The following MIF4GD variants were observed in gnomAD, a reference collection of about 807,000 sequenced individuals.
The protein encoded by MIF4GD is MIF4G domain containing.
Under a neutral mutation model 26.7 loss-of-function variants are expected in MIF4GD, and 22 were observed. That is an observed-to-expected ratio of 0.82 (90% CI 0.59 to 1.18). The LOEUF (loss-of-function observed/expected upper bound fraction) is 1.18. Among genes scored for constraint, MIF4GD ranks in the 50% most tolerant of loss-of-function variants. MIF4GD has a pLI of 0.00. For missense variants in MIF4GD, 262 were observed against 279.6 expected, an observed-to-expected ratio of 0.94 and a Z score of 0.45; for synonymous variants, 137 against 111.6, an observed-to-expected ratio of 1.23 and a Z score of -1.43.
rs543600375 is a variant in MIF4GD at position 75,266,593 on chromosome 17, T to C, written c.*147A>G. The C allele has an allele frequency of 1.3e-6, 1 of 754,494 alleles. No individual in the cohort carries two copies. Among genetic ancestry groups the C allele is most frequent in the African/African-American group, 1.7e-5 (1 of 57,428 alleles). 46.7% of individuals were successfully genotyped at this position (754,494 alleles called of 1,614,324 possible). A position where few individuals can be genotyped will look rare whatever the true frequency, so the allele number is the denominator to read the frequency against. ...AGGACCACGGCATAAGTGGGAAACA[T>C]CTCACCAGGAGATGGGAAAGTCTAG... On this transcript the variant is annotated 3_prime_UTR_variant, in exon 6 of 6. Transcript: ENST00000325102.
At position 75,268,167 on chromosome 17, in the gene MIF4GD, T is replaced by C. The variant is rs1262579522; in HGVS notation, c.108A>G (p.Lys36=). ...AATGGTCCACAATCACATTGGCCAC[T>C]TTCTCCAAGTCCACAGCACCCGGAT... ...LKDPGAVDLE[K]VANVIVDHSL... The change falls in exon 3 of 6, where the codon AAA becomes AAG. Residue 36 remains lysine, a synonymous_variant. Coordinates refer to ENST00000325102, the MANE Select transcript of MIF4GD (RefSeq NM_001370592.1). 6.2e-7 allele frequency: 1 copy of C among 1,614,230 alleles called. No individual in the cohort carries two copies. Among genetic ancestry groups the C allele is most frequent in the Non-Finnish European group, 8.5e-7 (1 of 1,180,018 alleles).
Position 75,270,229 on chromosome 17 carries a change from G to T in MIF4GD, c.-34C>A. ...AGCCCCGGTAGCTCTTGACTGGGCTGGGAATAAGGACAGCACCTGAGGAGA... is the reference window on the plus strand; with the variant it reads ...AGCCCCGGTAGCTCTTGACTGGGCTTGGAATAAGGACAGCACCTGAGGAGA... On this transcript the variant is annotated 5_prime_UTR_variant, in exon 2 of 6. Transcript: ENST00000325102. This position sits in a 1 kb window ranked among gnomAD's most constrained non-coding sequence, Gnocchi z 5.7. 1 of 1,575,368 alleles carries T rather than the reference G, an allele frequency of 6.3e-7. No homozygotes were observed.
chr17:75,266,752 T>A lies in MIF4GD; in HGVS notation c.657A>T (p.Glu219Asp), dbSNP rs138489085. Residue 219 changes from glutamate (E) to aspartate (D), a missense_variant, in exon 6 of 6, where the codon GAA becomes GAT. Coordinates refer to ENST00000325102, the MANE Select transcript of MIF4GD (RefSeq NM_001370592.1). ...CTGATCTGGAGGCCTAGTCGGAGAC[T>A]TCGCTGTAGTAATACTTGTGGGCAG... The part of the protein sequence containing the change: ...TPAAHKYYYS[E>D]VSD The A allele has an allele frequency of 4.0e-4, 638 of 1,614,082 alleles. No homozygotes were observed. The highest frequency in any genetic ancestry group is 5.2e-4 in the Non-Finnish European group (616 of 1,180,040).
chr17:75,267,983 G>C (rs2145668861), intron 3 of MIF4GD, 82 bp from the exon 4 acceptor site: 6 of 1,602,222 alleles, frequency 3.7e-6, no homozygotes, highest in Non-Finnish European at 5.1e-6. Flanking sequence ...CTCTCTCTTT[G>C]AGCTAGACCC....
At chr17:75,267,068 A>T in intron 5 of MIF4GD, 101 bp from the exon 6 acceptor site, 1 of 963,622 alleles carries the variant, frequency 1.0e-6, no homozygotes, top group Non-Finnish European at 1.6e-6. Context: ...CTTTACACTC[A>T]TTCCCTTGCT....
chr17:75,270,871 A>T lies in MIF4GD; in HGVS notation c.-51+273T>A, dbSNP rs2077711138. 6.6e-6 allele frequency: 1 copy of T among 152,416 alleles called. No individual in the cohort carries two copies. Among genetic ancestry groups the T allele is most frequent in the Non-Finnish European group, 1.5e-5 (1 of 68,264 alleles). 9.4% of individuals were successfully genotyped at this position (152,416 alleles called of 1,614,324 possible). A position where few individuals can be genotyped will look rare whatever the true frequency, so the allele number is the denominator to read the frequency against. ...GACAGGCTGGTCGGATCGGCTCCCG[A>T]GTGGCAGTAACCCGGCCCTACGCAC... On this transcript the variant is annotated intron_variant, in intron 1 of 5. Coordinates refer to ENST00000325102, the MANE Select transcript of MIF4GD (RefSeq NM_001370592.1). This position sits in a 1 kb window ranked among gnomAD's most constrained non-coding sequence, Gnocchi z 5.7.
intron 5 of MIF4GD, 110 bp downstream of exon 5, chr17:75,267,428 G>T: frequency 9.2e-7 from 1 of 1,087,436 alleles, no homozygotes; most frequent in Non-Finnish European, 1.4e-6. Flanking sequence ...TCCTGCCCCA[G>T]AAGTGACACA....
rs1462683224 is a variant in MIF4GD at position 75,266,520 on chromosome 17, T to A, written c.*220A>T. 3.4e-6 allele frequency: 2 copies of A among 593,998 alleles called. No homozygotes were observed. 36.8% of individuals were successfully genotyped at this position (593,998 alleles called of 1,614,324 possible). A position where few individuals can be genotyped will look rare whatever the true frequency, so the allele number is the denominator to read the frequency against. On this transcript the variant is annotated 3_prime_UTR_variant, in exon 6 of 6. Transcript: ENST00000325102. ...GTGCAGTGGCTCTTGGGAGTTGCCC[T>A]TCTCTGCCTGGCCGTGGTGGGTTGT...
chr17:75,270,210 G>A lies in MIF4GD; in HGVS notation c.-15C>T, dbSNP rs755126842. On this transcript the variant is annotated 5_prime_UTR_variant, in exon 2 of 6. Coordinates refer to ENST00000325102, the MANE Select transcript of MIF4GD (RefSeq NM_001370592.1). This position sits in a 1 kb window ranked among gnomAD's most constrained non-coding sequence, Gnocchi z 5.7. ...GGCTCCCCCATGACTAGCCAGCCCC[G>A]GTAGCTCTTGACTGGGCTGGGAATA... 7 of 1,609,754 alleles carry A rather than the reference G, an allele frequency of 4.3e-6. No homozygotes were observed. The African/African-American group carries it at 6.7e-5, about 15-fold the overall frequency.
rs551504358 is a variant in MIF4GD at position 75,271,215 on chromosome 17, GC to G, written c.-123del. 290 of 149,974 alleles carry G rather than the reference GC, an allele frequency of 1.9e-3. No homozygotes were observed. Among genetic ancestry groups the G allele is most frequent in the African/African-American group, 6.8e-3 (280 of 41,290 alleles). 9.3% of individuals were successfully genotyped at this position (149,974 alleles called of 1,614,324 possible). A position where few individuals can be genotyped will look rare whatever the true frequency, so the allele number is the denominator to read the frequency against. On this transcript the variant is annotated 5_prime_UTR_variant, in exon 1 of 6. Coordinates refer to ENST00000325102, the MANE Select transcript of MIF4GD (RefSeq NM_001370592.1). The surrounding 1 kb of genome is among the most constrained non-coding windows in gnomAD (Gnocchi z 4.2). Reference sequence around the variant, plus strand: ...TGGGAGCGCGCAACCAGCGTCCGGCGCTGCGGGGCCCGCCGTGAGCTCATCT... The same window carrying G: ...TGGGAGCGCGCAACCAGCGTCCGGCGTGCGGGGCCCGCCGTGAGCTCATCT...
chr17:75,269,358 G>A lies in MIF4GD; in HGVS notation c.82+756C>T, dbSNP rs777118104. The A allele has an allele frequency of 2.9e-5, 46 of 1,613,952 alleles. No homozygotes were observed. In the Admixed American group the frequency reaches 3.0e-4, roughly 11 times the overall value. On this transcript the variant is annotated intron_variant, in intron 2 of 5. Coordinates refer to ENST00000325102, the MANE Select transcript of MIF4GD (RefSeq NM_001370592.1). ...AGTTGAAGACAAACCTCTGTACTGCGTGTTACAGCGGGAAGGCATCAGGCG... is the reference window on the plus strand; with the variant it reads ...AGTTGAAGACAAACCTCTGTACTGCATGTTACAGCGGGAAGGCATCAGGCG...
chr17:75,268,104 G>A lies in MIF4GD; in HGVS notation c.171C>T (p.Arg57=), dbSNP rs1203733734. The change falls in exon 3 of 6, where the codon CGC becomes CGT. Residue 57 remains arginine (R), a synonymous_variant. Transcript: ENST00000325102. Reference sequence around the variant, plus strand: ...CAACCTGAATGATGGCGTAGCACATGCGTCCTGCTTCCTTGCTGAACACAC... The same window carrying A: ...CAACCTGAATGATGGCGTAGCACATACGTCCTGCTTCCTTGCTGAACACAC... The part of the protein sequence containing the change: ...QDCVFSKEAG[R]MCYAIIQAES... The A allele has an allele frequency of 1.2e-6, 2 of 1,614,084 alleles. No individual in the cohort carries two copies. Among genetic ancestry groups the A allele is most frequent in the African/African-American group, 1.3e-5 (1 of 74,942 alleles).
In MIF4GD at chr17:75,270,164, A is replaced by AT. The variant is rs777642739; in HGVS notation, c.31dup (p.Ile11AsnfsTer5). ...CTGGGTCTCTGCATCAAAGGACTGG[A>AT]TTTTATACTCCTCTCTACTGGGCTC... is the stretch of plus-strand genomic sequence containing the variant. On this transcript the variant is annotated frameshift_variant, in exon 2 of 6. Transcript: ENST00000325102. LOFTEE classifies it high-confidence loss of function. This position sits in a 1 kb window ranked among gnomAD's most constrained non-coding sequence, Gnocchi z 5.7. 8 of 1,613,802 alleles carry AT rather than the reference A, an allele frequency of 5.0e-6. No homozygotes were observed. The Admixed American group carries it at 1.3e-4, about 27-fold the overall frequency.
chr17:75,269,141 T>C (rs372198681), intron 2 of MIF4GD, among the ~76,000 whole-genome samples: 2 of 152,342 alleles, frequency 1.3e-5, no homozygotes, highest in South Asian at 2.1e-4. Flanking sequence ...AGTAAGAATG[T>C]AGTTTCTCAG....
At chr17:75,271,292 C>T (rs1248877436), upstream of MIF4GD, 1 of 151,722 alleles carries the variant, frequency 6.6e-6, no homozygotes, top group African/African-American at 2.4e-5. This position sits in a 1 kb window ranked among gnomAD's most constrained non-coding sequence, Gnocchi z 4.2. Flanking sequence ...CCTGCCGGGC[C>T]CCCGGGGCAC....
chr17:75,267,483 C>T, intron 5 of MIF4GD, 55 bp downstream of exon 5: 1 of 1,563,534 alleles, frequency 6.4e-7, no homozygotes, highest in Non-Finnish European at 8.8e-7. Context: ...CACGGCTGAG[C>T]TGGACTGTCC....
At chr17:75,268,278 A>G in intron 2 of MIF4GD, 86 bp from the exon 3 acceptor site, 1 of 1,000,764 alleles carries the variant, frequency 1.0e-6, no homozygotes, top group Non-Finnish European at 1.6e-6. Flanking sequence ...AGATATTTAC[A>G]GTAGAGCACT....
chr17:75,270,522 G>A lies in MIF4GD; in HGVS notation c.-50-277C>T. ...AGCGCCCACCCTCCAGTCCCAGCAGGAGGCAGGAGTAGACTGGGGCAGGGT... is the reference window on the plus strand; with the variant it reads ...AGCGCCCACCCTCCAGTCCCAGCAGAAGGCAGGAGTAGACTGGGGCAGGGT... On this transcript the variant is annotated intron_variant, in intron 1 of 5. Transcript: ENST00000325102. The surrounding 1 kb of genome is among the most constrained non-coding windows in gnomAD (Gnocchi z 5.7). The A allele has an allele frequency of 6.3e-6, 2 of 319,240 alleles. No individual in the cohort carries two copies. The highest frequency in any genetic ancestry group is 6.1e-5 in the South Asian group (2 of 32,750). 19.8% of individuals were successfully genotyped at this position (319,240 alleles called of 1,614,324 possible). A position where few individuals can be genotyped will look rare whatever the true frequency, so the allele number is the denominator to read the frequency against.
chr17:75,266,646 GAA>G lies in MIF4GD; in HGVS notation c.*92_*93del. 2.5e-6 allele frequency: 3 copies of G among 1,189,888 alleles called. No individual in the cohort carries two copies. Among genetic ancestry groups the G allele is most frequent in the South Asian group, 1.3e-5 (1 of 79,412 alleles). 73.7% of individuals were successfully genotyped at this position (1,189,888 alleles called of 1,614,324 possible). ...GGGAAGACACTCAAAGTCTGGAAGGGAAAAGTCTTTGGGTGAGGCAGAGACTC... is the reference window on the plus strand; with the variant it reads ...GGGAAGACACTCAAAGTCTGGAAGGGAAGTCTTTGGGTGAGGCAGAGACTC... On this transcript the variant is annotated 3_prime_UTR_variant, in exon 6 of 6. Transcript: ENST00000325102.
Sources: gnomAD v4.1 joint callset for allele counts (sites outside exome capture counted in the v4.1 genomes callset) on GRCh38, gnomAD v4.1.1 for gene constraint, Gnocchi (gnomAD v3.1) non-coding constraint, MANE v1.5 for transcripts, NCBI Gene and HGNC (gene_info 2026-07-23, HGNC 2026-07-21) for gene names.